Variants in GPR158 observed in about 807,000 individuals in gnomAD.
GPR158 encodes the protein metabotropic glycine receptor.
Under a neutral mutation model 78.2 loss-of-function variants are expected in GPR158, and 30 were observed. The ratio of observed to expected loss-of-function variants is 0.38; its 90% CI spans 0.29 to 0.52. GPR158 has a LOEUF of 0.52. GPR158 is among the 20% of genes least tolerant of loss of function. The pLI is 0.83. For missense variants in GPR158, 1,463 were observed against 1,523.5 expected, an observed-to-expected ratio of 0.96 and a Z score of 0.66; for synonymous variants, 581 against 591.1, an observed-to-expected ratio of 0.98 and a Z score of 0.25.
At chr10:25,366,152 T>C (rs373322201) in intron 2 of GPR158, among the ~76,000 whole-genome samples, 2 of 151,542 alleles carry the variant, frequency 1.3e-5, no homozygotes, top group South Asian at 4.1e-4. Flanking sequence ...TGTTTTTGTT[T>C]TTGTTTTTTT....
chr10:25,555,132 G>A (rs1281270982), intron 6 of GPR158, among the ~76,000 whole-genome samples: 1 of 152,166 alleles, frequency 6.6e-6, no homozygotes, highest in Non-Finnish European at 1.5e-5. Flanking sequence ...TAGCCTTGTA[G>A]TATAGTTTGA....
intron 2 of GPR158, among the ~76,000 whole-genome samples, chr10:25,265,152 T>C (rs984869048): frequency 1.1e-4 from 17 of 151,558 alleles, no homozygotes; most frequent in Admixed American, 6.6e-4. Flanking sequence ...TTAGTACTCT[T>C]TCCCTTCTAA....
At chr10:25,420,312 G>A (rs182228029) in intron 4 of GPR158, among the ~76,000 whole-genome samples, 83 of 96,904 alleles carry the variant, frequency 8.6e-4, no homozygotes, top group African/African-American at 2.6e-3. Context: ...ACCAACTCCA[G>A]CTATTTTTGA....
chr10:25,229,883 T>C (rs1237075341), intron 2 of GPR158, among the ~76,000 whole-genome samples: 1 of 152,216 alleles, frequency 6.6e-6, no homozygotes, highest in Non-Finnish European at 1.5e-5. Context: ...AAATCCAGCA[T>C]CCTTCTCAGT....
At chr10:25,361,755 A>T (rs1190739887) in intron 2 of GPR158, among the ~76,000 whole-genome samples, 1 of 152,020 alleles carries the variant, frequency 6.6e-6, no homozygotes, top group African/African-American at 2.4e-5. Context: ...AGAAATGGCT[A>T]TTCAAATCCT....
At chr10:25,546,244 C>T (rs547008416) in intron 5 of GPR158, among the ~76,000 whole-genome samples, 1 of 152,094 alleles carries the variant, frequency 6.6e-6, no homozygotes, top group Admixed American at 6.6e-5. Context: ...TATTGTAAAG[C>T]ATTCTTTTAT....
chr10:25,564,844 C>CTAG (rs1410946048), intron 6 of GPR158, among the ~76,000 whole-genome samples: 6 of 152,142 alleles, frequency 3.9e-5, no homozygotes, highest in African/African-American at 1.4e-4. Flanking sequence ...TTGACTCTAA[C>CTAG]AGTTCTTGCT....
intron 3 of GPR158, among the ~76,000 whole-genome samples, chr10:25,398,324 T>G (rs1834394767): frequency 6.6e-6 from 1 of 152,210 alleles, no homozygotes; most frequent in Non-Finnish European, 1.5e-5. Context: ...TTAAGGATGA[T>G]TATGCTTTTT....
In GPR158 at chr10:25,315,162, G is replaced by C. The variant is rs1206471062; in HGVS notation, c.1009-80749G>C. Among the ~76,000 whole-genome samples the C allele has an allele frequency of 3.9e-5, 6 of 151,996 alleles. No homozygotes were observed. In the South Asian group the frequency reaches 1.0e-3, roughly 26 times the overall value. On this transcript the variant is annotated intron_variant, in intron 2 of 10. Transcript: ENST00000376351. ...ATAATTTGAAGCTTAATTGATTACA[G>C]AGTTTTGGTCTGCTATTTCTTTACT...
chr10:25,293,745 A>ATTT (rs5783917), intron 2 of GPR158, among the ~76,000 whole-genome samples: 109 of 144,712 alleles, frequency 7.5e-4, no homozygotes, highest in Non-Finnish European at 1.5e-3. Flanking sequence ...TAAACCTGTA[A>ATTT]TTTTTTTTTT....
At chr10:25,213,005 G>C (rs1255620278) in intron 1 of GPR158, among the ~76,000 whole-genome samples, 1 of 152,076 alleles carries the variant, frequency 6.6e-6, no homozygotes, top group African/African-American at 2.4e-5. Flanking sequence ...GTAGAGAAAT[G>C]CCAGTGCTTT....
chr10:25,554,047 T>C (rs1836757717), intron 6 of GPR158, among the ~76,000 whole-genome samples: 2 of 152,066 alleles, frequency 1.3e-5, no homozygotes, highest in Admixed American at 1.3e-4. Context: ...GGATTATGGC[T>C]AAATTAAGCA....
chr10:25,592,278 AAACT>A lies in GPR158; in HGVS notation c.1893-2010_1893-2007del, dbSNP rs372482117. Among the ~76,000 whole-genome samples the A allele has an allele frequency of 7.6e-4, 115 of 152,156 alleles. No homozygotes were observed. The Middle Eastern group carries it at 0.01, about 14-fold the overall frequency. ...CCAAATTGTCAAATTGCACAAAAAT[AAACT>A]AACAGCAAAGAATTAAGTCTAGAAG... On this transcript the variant is annotated intron_variant, in intron 8 of 10. Transcript: ENST00000376351.
chr10:25,494,300 A>G (rs1835849257), intron 5 of GPR158, among the ~76,000 whole-genome samples: 1 of 152,162 alleles, frequency 6.6e-6, no homozygotes, highest in Non-Finnish European at 1.5e-5. Flanking sequence ...TGAGTTAAAC[A>G]CTTGTTCACT....
chr10:25,417,105 C>T (rs533776121), intron 4 of GPR158, among the ~76,000 whole-genome samples: 1 of 152,250 alleles, frequency 6.6e-6, no homozygotes, highest in East Asian at 1.9e-4. Context: ...ATATTCCTGG[C>T]ACCAAGTCTT....
chr10:25,402,537 T>C (rs1039084537), intron 3 of GPR158, among the ~76,000 whole-genome samples: 7 of 152,082 alleles, frequency 4.6e-5, no homozygotes, highest in Non-Finnish European at 1.0e-4. Context: ...AGCTGAAGTG[T>C]CTATGGGTAA....
intron 2 of GPR158, among the ~76,000 whole-genome samples, chr10:25,221,694 T>C (rs1261266245): frequency 6.6e-6 from 1 of 152,182 alleles, no homozygotes; most frequent in Non-Finnish European, 1.5e-5. Context: ...TTGACGATAC[T>C]CTGGTTAATA....
intron 2 of GPR158, among the ~76,000 whole-genome samples, chr10:25,254,090 C>G: frequency 6.6e-6 from 1 of 152,172 alleles, no homozygotes; most frequent in East Asian, 1.9e-4. Context: ...ACTTCTGTGG[C>G]TAACACCTAA....
chr10:25,531,649 T>C (rs1051684496), intron 5 of GPR158, among the ~76,000 whole-genome samples: 7 of 152,154 alleles, frequency 4.6e-5, no homozygotes, highest in African/African-American at 1.7e-4. Flanking sequence ...TAATTTGCCA[T>C]TGAGGGAATT....
Sources: allele counts gnomAD v4.1 joint callset (sites outside exome capture counted in the v4.1 genomes callset), GRCh38; gene constraint gnomAD v4.1.1; transcripts MANE v1.5; gene names NCBI Gene and HGNC (gene_info 2026-07-23, HGNC 2026-07-21).